Variants in ETFDH observed in about 807,000 individuals in gnomAD.
ETFDH encodes electron transfer flavoprotein dehydrogenase, also known as electron transfer flavoprotein-ubiquinone oxidoreductase, mitochondrial.
In ETFDH, 61 loss-of-function variants were observed where a neutral mutation model predicts 73.2. That is an observed-to-expected ratio of 0.83 (90% CI 0.68 to 1.03). The LOEUF is 1.03. Among genes scored for constraint, ETFDH ranks in the 50% least tolerant of loss-of-function variants. The pLI is 0.00. For missense variants in ETFDH, 685 were observed against 745.0 expected (o/e 0.92, Z 0.94); for synonymous variants, 243 against 253.3 (o/e 0.96, Z 0.39).
At chr4:158,705,544 G>GT (rs532280150) in intron 10 of ETFDH, among the ~76,000 whole-genome samples, 2 of 152,312 alleles carry the variant, frequency 1.3e-5, no homozygotes, top group African/African-American at 4.8e-5. Flanking sequence ...GGTAGAAATA[G>GT]TTTGAGTTGT....
At chr4:158,702,075 G>C (rs968937555) in intron 9 of ETFDH, among the ~76,000 whole-genome samples, 1 of 152,052 alleles carries the variant, frequency 6.6e-6, no homozygotes, top group Non-Finnish European at 1.5e-5. Context: ...ATCCCTAGCT[G>C]TCAAAGTAAA....
rs373172859 is a variant in ETFDH, at chr4:158,682,530, CT to C, written c.405+118del. The C allele has an allele frequency of 0.053, 31,893 of 596,342 alleles. 7 individuals are homozygous for C. The highest frequency in any genetic ancestry group is 0.076 in the Middle Eastern group (137 of 1,812). The allele number at this position is 596,342 out of a possible 1,614,324, so 36.9% of individuals were successfully genotyped here. A position where few individuals can be genotyped will look rare whatever the true frequency, so the allele number is the denominator to read the frequency against. On this transcript the variant is annotated intron_variant, in intron 3 of 12. Coordinates refer to ENST00000511912, the MANE Select transcript of ETFDH (RefSeq NM_004453.4). Reference sequence around the variant, plus strand: ...GGAAACCCTTTTCATGTAACTCTATCTTTTTTTTTTTTCTTTTTTTGAGATG... The same window carrying C: ...GGAAACCCTTTTCATGTAACTCTATCTTTTTTTTTTTCTTTTTTTGAGATG...
intron 6 of ETFDH, 127 bp from the exon 7 acceptor site, chr4:158,695,370 C>T: frequency 1.6e-6 from 1 of 634,300 alleles, no homozygotes; most frequent in Non-Finnish European, 2.7e-6. Context: ...CTATGTGATT[C>T]TTTATAATAT....
At chr4:158,687,574 C>A (rs566862166) in intron 5 of ETFDH, among the ~76,000 whole-genome samples, 1 of 152,264 alleles carries the variant, frequency 6.6e-6, no homozygotes, top group South Asian at 2.1e-4. Context: ...CCTCTTCTTA[C>A]CCCCTTTACA....
chr4:158,684,514 T>C, intron 3 of ETFDH, 78 bp from the exon 4 acceptor site: 1 of 830,996 alleles, frequency 1.2e-6, no homozygotes, highest in Non-Finnish European at 2.0e-6. Context: ...TCAGAGTACA[T>C]TTTATAGTTT....
chr4:158,706,399 T>C (rs1774618361), intron 11 of ETFDH, 28 bp downstream of exon 11: 2 of 1,562,600 alleles, frequency 1.3e-6, no homozygotes, highest in Non-Finnish European at 1.8e-6. Flanking sequence ...ATGAGTGACA[T>C]GATCATTAAA....
At chr4:158,683,990 GC>G (rs1306790390) in intron 3 of ETFDH, among the ~76,000 whole-genome samples, 1 of 152,072 alleles carries the variant, frequency 6.6e-6, no homozygotes, top group Non-Finnish European at 1.5e-5. Context: ...AAGCAACTTG[GC>G]TAACCTCTCC....
chr4:158,700,811 C>T (rs1013910846), intron 9 of ETFDH: 1 of 152,192 alleles, frequency 6.6e-6, no homozygotes, highest in Non-Finnish European at 1.5e-5. Context: ...TGATGCCGCC[C>T]GTCTCTTGAT....
chr4:158,680,674 G>C (rs1773832236), intron 2 of ETFDH, 67 bp downstream of exon 2: 3 of 1,318,818 alleles, frequency 2.3e-6, no homozygotes, highest in Middle Eastern at 1.9e-4. Context: ...TTGTGGAGGA[G>C]AGTATTAATA....
At chr4:158,677,962 A>G (rs1392144727) in intron 1 of ETFDH, among the ~76,000 whole-genome samples, 2 of 152,230 alleles carry the variant, frequency 1.3e-5, no homozygotes, top group Admixed American at 6.5e-5. Context: ...TTTAGCAAAT[A>G]TAGGGTTTGA....
At chr4:158,693,549 A>G (rs1307340324) in intron 6 of ETFDH, among the ~76,000 whole-genome samples, 2 of 152,214 alleles carry the variant, frequency 1.3e-5, no homozygotes, top group Non-Finnish European at 2.9e-5. Flanking sequence ...GAATTGTTTT[A>G]TAAGTGGTGC....
rs1184947924 is a variant in ETFDH, at chr4:158,690,354, T to C, written c.613T>C (p.Phe205Leu). 1.3e-6 allele frequency: 2 copies of C among 1,581,702 alleles called. No homozygotes were observed. Among genetic ancestry groups the C allele is most frequent in the East Asian group, 4.5e-5 (2 of 44,702 alleles). ...TGTTTTTTATCATTTTTAGGTCCTT[T>C]TTCATGATGATGGTAGTGTAAAAGG... ...YPGYAAAEVL[F>L]HDDGSVKGIA... The change falls in exon 6 of 13, where the codon TTT (phenylalanine) becomes CTT (leucine). Residue 205 changes from phenylalanine to leucine, a missense_variant. By Grantham distance (22) the Phe-to-Leu change is conservative. Around this residue, in one of 3 missense-constraint regions of ETFDH, gnomAD observed 405 missense variants for 399.3 expected, o/e 1.01. Coordinates refer to ENST00000511912, the MANE Select transcript of ETFDH (RefSeq NM_004453.4).
chr4:158,685,013 A>G (rs1406383667), intron 4 of ETFDH, 88 bp from the exon 5 acceptor site: 5 of 803,914 alleles, frequency 6.2e-6, no homozygotes, highest in Non-Finnish European at 1.1e-5. Flanking sequence ...GTAGAAATAC[A>G]TATTGATTCG....
At chr4:158,690,503 C>T (rs1052223858) in intron 6 of ETFDH, 78 bp downstream of exon 6, 2 of 895,866 alleles carry the variant, frequency 2.2e-6, no homozygotes, top group Non-Finnish European at 3.8e-6. Context: ...AAGTGAAACC[C>T]CATCTCTCCA....
chr4:158,682,524 CTCTA>C lies in ETFDH; in HGVS notation c.405+104_405+107del, dbSNP rs559006506. The C allele has an allele frequency of 1.8e-4, 164 of 909,484 alleles. 1 individual carries two copies. In the South Asian group the frequency reaches 2.1e-3, roughly 12 times the overall value. The allele number at this position is 909,484 out of a possible 1,614,324, so 56.3% of individuals were successfully genotyped here. On this transcript the variant is annotated intron_variant, in intron 3 of 12. Coordinates refer to ENST00000511912, the MANE Select transcript of ETFDH (RefSeq NM_004453.4). ...AATATAGGAAACCCTTTTCATGTAA[CTCTA>C]TCTTTTTTTTTTTTCTTTTTTTGAG...
At chr4:158,704,556 C>T (rs1002629420) in intron 10 of ETFDH, among the ~76,000 whole-genome samples, 10 of 152,302 alleles carry the variant, frequency 6.6e-5, no homozygotes, top group African/African-American at 2.4e-4. Context: ...ACACCCAGTT[C>T]CCCCTGCATG....
intron 5 of ETFDH, among the ~76,000 whole-genome samples, chr4:158,688,481 C>G (rs1030484944): frequency 6.7e-6 from 1 of 150,056 alleles, no homozygotes; most frequent in Non-Finnish European, 1.5e-5. Flanking sequence ...GTCAGGAGAT[C>G]GAGACCATGG....
intron 10 of ETFDH, 38 bp downstream of exon 10, chr4:158,703,629 G>C (rs753992338): frequency 3.2e-6 from 4 of 1,263,474 alleles, no homozygotes; most frequent in Non-Finnish European, 4.6e-6. Context: ...AAAGAAAATT[G>C]CTGGGTTATG....
At chr4:158,674,827 T>C (rs1394853740) in intron 1 of ETFDH, among the ~76,000 whole-genome samples, 3 of 152,244 alleles carry the variant, frequency 2.0e-5, no homozygotes, top group Non-Finnish European at 4.4e-5. Flanking sequence ...GAGCATGCTA[T>C]CTGCTGGAGA....
Sources: gnomAD v4.1 joint callset for allele counts (sites outside exome capture counted in the v4.1 genomes callset) on GRCh38, gnomAD v4.1.1 for gene constraint, gnomAD v4.1.1 regional missense constraint, MANE v1.5 for transcripts, NCBI Gene and HGNC (gene_info 2026-07-23, HGNC 2026-07-21) for gene names.